The following CHLSN variants were observed in gnomAD, a reference collection of about 807,000 sequenced individuals.
CHLSN encodes protein cholesin.
At chr7:997,256 TGCC>T in the CHLSN span, 4 of 186,896 alleles carry the variant, frequency 2.1e-5, no homozygotes, top group Non-Finnish European at 4.4e-5. Context: ...GGAGCCAGCA[TGCC>T]CCAATCTCTA....
the CHLSN span, among the ~76,000 whole-genome samples, chr7:981,801 G>A: frequency 1.3e-5 from 2 of 152,180 alleles, no homozygotes; most frequent in Admixed American, 6.6e-5. Flanking sequence ...GTCGAGGCAG[G>A]AGGATTGCTT....
chr7:1,077,499 A>G, the CHLSN span, among the ~76,000 whole-genome samples: 1 of 152,142 alleles, frequency 6.6e-6, no homozygotes, highest in East Asian at 1.9e-4. Context: ...GAGTGCTGGG[A>G]TTACAGGCGT....
the CHLSN span, among the ~76,000 whole-genome samples, chr7:1,101,585 T>A: frequency 1.3e-5 from 2 of 152,248 alleles, no homozygotes; most frequent in African/African-American, 4.8e-5. Context: ...CAGCCTCCTG[T>A]CTGATTCTCG....
At chr7:1,136,295 T>C in the CHLSN span, among the ~76,000 whole-genome samples, 3 of 116,076 alleles carry the variant, frequency 2.6e-5, no homozygotes, top group African/African-American at 3.6e-5. Flanking sequence ...TAAATATATA[T>C]AAACATATAT....
At chr7:1,086,378 G>A in the CHLSN span, among the ~76,000 whole-genome samples, 3 of 152,030 alleles carry the variant, frequency 2.0e-5, no homozygotes, top group African/African-American at 7.3e-5. Flanking sequence ...CTTCACAGCT[G>A]GTCAAAAAAT....
the CHLSN span, chr7:1,058,652 C>T: frequency 4.2e-5 from 26 of 612,494 alleles, no homozygotes; most frequent in Non-Finnish European, 6.2e-5. Context: ...CTTGAAGTTT[C>T]CTTTTTCCCA....
the CHLSN span, chr7:1,058,710 G>A: frequency 1.2e-5 from 7 of 600,544 alleles, no homozygotes; most frequent in Non-Finnish European, 2.1e-5. Flanking sequence ...GCTGGCATCT[G>A]GCTTGAGTCT....
At chr7:1,109,259 G>A in the CHLSN span, 1 of 152,184 alleles carries the variant, frequency 6.6e-6, no homozygotes, top group African/African-American at 2.4e-5. Flanking sequence ...ATTGACAGAA[G>A]TTCCATATAT....
At chr7:1,035,679 C>T in the CHLSN span, among the ~76,000 whole-genome samples, 4 of 152,296 alleles carry the variant, frequency 2.6e-5, no homozygotes, top group South Asian at 2.1e-4. Flanking sequence ...ATGCACTCAT[C>T]GCTGTGGGAA....
chr7:1,096,901 A>G, the CHLSN span, among the ~76,000 whole-genome samples: 2,157 of 152,156 alleles, frequency 0.014, 103 homozygotes, highest in East Asian at 0.18. This position sits in a 1 kb window ranked among gnomAD's most constrained non-coding sequence, Gnocchi z 4.6. Flanking sequence ...GAGAACTACA[A>G]AGAAACCTTC....
At chr7:1,057,478 C>T in the CHLSN span, 2 of 726,862 alleles carry the variant, frequency 2.8e-6, no homozygotes, top group Non-Finnish European at 5.1e-6. Context: ...ACCACCTGTT[C>T]CTTCTTTCCG....
the CHLSN span, among the ~76,000 whole-genome samples, chr7:1,016,600 AGC>A: frequency 1.5e-5 from 1 of 65,996 alleles, no homozygotes; most frequent in African/African-American, 9.6e-5. Flanking sequence ...ACCACACAGC[AGC>A]GTACAGCAGC....
chr7:1,078,583 G>A, the CHLSN span, among the ~76,000 whole-genome samples: 47 of 151,904 alleles, frequency 3.1e-4, no homozygotes, highest in Admixed American at 7.9e-4. Flanking sequence ...CGCCCCCCAC[G>A]CCGGTTCATC....
At chr7:988,379 C>T in the CHLSN span, 1 of 1,612,694 alleles carries the variant, frequency 6.2e-7, no homozygotes, top group Non-Finnish European at 8.5e-7. Context: ...CGCGAATGGG[C>T]ACTTTGTGAA....
the CHLSN span, among the ~76,000 whole-genome samples, chr7:1,041,816 C>A: frequency 6.6e-6 from 1 of 151,936 alleles, no homozygotes; most frequent in Non-Finnish European, 1.5e-5. Context: ...CCCGAGAAAG[C>A]CCACGTGCAG....
the CHLSN span, among the ~76,000 whole-genome samples, chr7:1,080,468 C>A: frequency 1.3e-5 from 2 of 152,288 alleles, no homozygotes; most frequent in Admixed American, 1.3e-4. Flanking sequence ...ACCCGCGTGA[C>A]GGTCCGGGGA....
At chr7:1,066,023 G>C in the CHLSN span, among the ~76,000 whole-genome samples, 4 of 152,230 alleles carry the variant, frequency 2.6e-5, no homozygotes, top group African/African-American at 9.6e-5. Flanking sequence ...CTGGACCAGA[G>C]GGAGCCCTGC....
the CHLSN span, among the ~76,000 whole-genome samples, chr7:1,027,876 G>A: frequency 3.9e-5 from 6 of 152,352 alleles, no homozygotes; most frequent in African/African-American, 1.4e-4. Flanking sequence ...GGGGGCTGCT[G>A]CATCGCGGCT....
At chr7:1,065,392 A>G in the CHLSN span, among the ~76,000 whole-genome samples, 1 of 152,266 alleles carries the variant, frequency 6.6e-6, no homozygotes. Flanking sequence ...TGCTCATAAG[A>G]GCCCAACACT....
Sources: allele counts gnomAD v4.1 joint callset (sites outside exome capture counted in the v4.1 genomes callset), GRCh38; gene constraint gnomAD v4.1.1; non-coding constraint Gnocchi (gnomAD v3.1); transcripts MANE v1.5; gene names NCBI Gene and HGNC (gene_info 2026-07-23, HGNC 2026-07-21).